The following SPAG17 variants were observed in gnomAD, a reference collection of about 807,000 sequenced individuals.
SPAG17 encodes sperm-associated antigen 17.
In SPAG17, 169 loss-of-function variants were observed where a neutral mutation model predicts 273.6. That is an observed-to-expected ratio of 0.62 (90% CI 0.55 to 0.70). The LOEUF (loss-of-function observed/expected upper bound fraction) is 0.70. SPAG17 is among the 30% of genes least tolerant of loss of function. SPAG17 has a pLI of 0.00. For synonymous variants in SPAG17, 825 were observed against 873.2 expected (o/e 0.94, Z 0.97); for missense variants, 2,557 against 2,627.8 (o/e 0.97, Z 0.59).
intron 27 of SPAG17, among the ~76,000 whole-genome samples, chr1:118,024,181 A>G (rs1353206637): frequency 2.0e-5 from 3 of 151,988 alleles, no homozygotes; most frequent in Non-Finnish European, 4.4e-5. Context: ...GCTCTGTGCA[A>G]ACTTCTTATG....
chr1:118,165,702 G>A (rs1360405845), intron 1 of SPAG17, among the ~76,000 whole-genome samples: 1 of 135,460 alleles, frequency 7.4e-6, no homozygotes, highest in Non-Finnish European at 1.5e-5. Context: ...TTGGACTGCA[G>A]TGGCGCGATC....
At chr1:118,015,841 T>A in intron 29 of SPAG17, 124 bp downstream of exon 29, 1 of 807,598 alleles carries the variant, frequency 1.2e-6, no homozygotes, top group Non-Finnish European at 1.9e-6. Context: ...CATCCACCCA[T>A]CCATCCATCC....
intron 10 of SPAG17, among the ~76,000 whole-genome samples, chr1:118,087,621 TAGTGTCTCCTTTA>T (rs1281522415): frequency 2.6e-5 from 4 of 152,218 alleles, no homozygotes; most frequent in Admixed American, 6.5e-5. Context: ...GTAAATGTAA[TAGTGTCTCCTTTA>T]AGTGGGGAAA....
chr1:117,987,718 G>T, intron 40 of SPAG17, 116 bp downstream of exon 40: 1 of 989,800 alleles, frequency 1.0e-6, no homozygotes, highest in Non-Finnish European at 1.5e-6. Flanking sequence ...TAGACATGTT[G>T]CAGAAGAGAA....
chr1:118,159,612 C>T (rs888909650), intron 1 of SPAG17, among the ~76,000 whole-genome samples: 2 of 152,144 alleles, frequency 1.3e-5, no homozygotes, highest in Non-Finnish European at 2.9e-5. Flanking sequence ...GTGACTGCTG[C>T]AGTAATTTTG....
At chr1:118,083,271 C>A (rs1654731922) in intron 13 of SPAG17, among the ~76,000 whole-genome samples, 1 of 152,074 alleles carries the variant, frequency 6.6e-6, no homozygotes. Context: ...AGGATTTATT[C>A]TGGGTGACTG....
At position 117,966,749 on chromosome 1, in the gene SPAG17, G is replaced by A; in HGVS notation, c.6392C>T (p.Ala2131Val). 1.2e-6 allele frequency: 2 copies of A among 1,609,226 alleles called. No homozygotes were observed. The highest frequency in any genetic ancestry group is 8.5e-7 in the Non-Finnish European group (1 of 1,178,308). Reference sequence around the variant, plus strand: ...ATTCAGTTCTGTCTGCATACCAGCTGCCACCTATAAGACACAAGGTAGCTT... The same window carrying A: ...ATTCAGTTCTGTCTGCATACCAGCTACCACCTATAAGACACAAGGTAGCTT... The part of the protein sequence containing the change: ...LKVTYKPGPV[A>V]AGMQTELNIE... Residue 2131 changes from alanine to valine, a missense_variant, in exon 47 of 49, where the codon GCA becomes GTA. Coordinates refer to ENST00000336338, the MANE Select transcript of SPAG17 (RefSeq NM_206996.4).
intron 20 of SPAG17, among the ~76,000 whole-genome samples, chr1:118,048,842 G>A (rs1239810489): frequency 6.6e-6 from 1 of 152,152 alleles, no homozygotes; most frequent in Non-Finnish European, 1.5e-5. Flanking sequence ...GTTGCAGTGA[G>A]CCGGGATTGC....
intron 40 of SPAG17, among the ~76,000 whole-genome samples, chr1:117,986,474 A>T (rs2101619852): frequency 6.6e-6 from 1 of 152,246 alleles, no homozygotes; most frequent in East Asian, 1.9e-4. Context: ...CACTCATCTA[A>T]TTATATGTTT....
Position 118,163,130 on chromosome 1 carries a change from G to A in SPAG17, c.88-11761C>T, listed in dbSNP as rs577345597. On this transcript the variant is annotated intron_variant, in intron 1 of 48. Transcript: ENST00000336338. ...AAAAAGAAAATAATTTTTTGTGAGG[G>A]TACAAATGTGCTTGCCACATTATCT... 5.9e-5 allele frequency among the ~76,000 whole-genome samples: 9 copies of A among 152,172 alleles called. No homozygotes were observed. The East Asian group carries it at 1.7e-3, about 29-fold the overall frequency.
Position 118,023,370 on chromosome 1 carries a change from A to C in SPAG17, c.4003T>G (p.Leu1335Val). The change falls in exon 28 of 49, where the codon TTG becomes GTG. Residue 1335 changes from leucine to valine, a missense_variant. Physicochemically the swap from Leu to Val is conservative, Grantham distance 32. Transcript: ENST00000336338. ...EMPATPHSGD[L>V]MDSISQQKSE... ...TTCTGCTGAGAAATAGAGTCCATCA[A>C]ATCTCCACTGTGAGGCGTTGCTGGC... 1.2e-6 allele frequency: 2 copies of C among 1,612,976 alleles called. No homozygotes were observed. The highest frequency in any genetic ancestry group is 2.7e-5 in the African/African-American group (2 of 75,004).
intron 46 of SPAG17, 99 bp downstream of exon 46, chr1:117,969,957 G>C (rs1450190838): frequency 4.8e-6 from 5 of 1,042,480 alleles, no homozygotes; most frequent in African/African-American, 1.6e-5. Flanking sequence ...AGTTTAAAAG[G>C]AATGGGCAGA....
At chr1:117,954,542 A>T in intron 48 of SPAG17, 1 of 1,600,962 alleles carries the variant, frequency 6.2e-7, no homozygotes, top group Non-Finnish European at 8.5e-7. Context: ...CCTAAGTCTC[A>T]GTTTTTTTAA....
intron 3 of SPAG17, among the ~76,000 whole-genome samples, chr1:118,147,811 T>C (rs1476856462): frequency 2.0e-5 from 3 of 152,212 alleles, no homozygotes; most frequent in African/African-American, 7.2e-5. Flanking sequence ...TTTGGAGTCA[T>C]TATTGGAAAT....
At chr1:118,063,978 T>C (rs1652654466) in intron 18 of SPAG17, among the ~76,000 whole-genome samples, 1 of 152,108 alleles carries the variant, frequency 6.6e-6, no homozygotes, top group African/African-American at 2.4e-5. Flanking sequence ...AAAAAACACA[T>C]GAAAAAATAC....
Position 118,031,741 on chromosome 1 carries a change from G to A in SPAG17, c.3560C>T (p.Pro1187Leu), listed in dbSNP as rs746907434. 1 of 1,613,554 alleles carries A rather than the reference G, an allele frequency of 6.2e-7. No homozygotes were observed. Among genetic ancestry groups the A allele is most frequent in the African/African-American group, 1.3e-5 (1 of 74,928 alleles). ...TTCTTCTTCTTTAAGGGATTCTTTG[G>A]GTTTTTCTTTGCCTTTTATTTTCCC... is the stretch of plus-strand genomic sequence containing the variant. ...AKGKIKGKEKPKESLKEEEHP... is the reference protein window; with the variant it reads ...AKGKIKGKEKLKESLKEEEHP... Residue 1187 changes from proline (P) to leucine (L), a missense_variant, in exon 25 of 49, where the codon CCC becomes CTC. By Grantham distance (98) the Pro-to-Leu change is moderately conservative. Coordinates refer to ENST00000336338, the MANE Select transcript of SPAG17 (RefSeq NM_206996.4).
intron 3 of SPAG17, 123 bp from the exon 4 acceptor site, chr1:118,115,564 T>C: frequency 9.8e-7 from 1 of 1,018,460 alleles, no homozygotes; most frequent in Non-Finnish European, 1.4e-6. Flanking sequence ...ACTTCATTGC[T>C]GGCTGAAAAA....
chr1:118,019,143 A>G (rs1235942309), intron 28 of SPAG17, among the ~76,000 whole-genome samples: 1 of 152,082 alleles, frequency 6.6e-6, no homozygotes, highest in Non-Finnish European at 1.5e-5. Context: ...ACAATGAAAC[A>G]AGGCAATTCA....
At chr1:118,100,129 T>C (rs1394105201) in intron 5 of SPAG17, among the ~76,000 whole-genome samples, 1 of 152,210 alleles carries the variant, frequency 6.6e-6, no homozygotes, top group Non-Finnish European at 1.5e-5. Flanking sequence ...TTTTTTGGGT[T>C]CTAATCTCTT....
Sources: allele counts gnomAD v4.1 joint callset (sites outside exome capture counted in the v4.1 genomes callset), GRCh38; gene constraint gnomAD v4.1.1; transcripts MANE v1.5; gene names NCBI Gene and HGNC (gene_info 2026-07-23, HGNC 2026-07-21).